The following BMPR1B variants were observed in gnomAD, a reference collection of about 807,000 sequenced individuals.
BMPR1B encodes bone morphogenetic protein receptor type-1B.
Under a neutral mutation model 59.1 loss-of-function variants are expected in BMPR1B, and 12 were observed. The observed-to-expected ratio is 0.20, with a 90% confidence interval of 0.13 to 0.33. BMPR1B has a LOEUF of 0.33. BMPR1B is among the 10% of genes least tolerant of loss of function. The probability of loss-of-function intolerance (pLI) is 1.00; values close to 1 mark genes in which losing one functional copy is unlikely to be tolerated. For synonymous variants in BMPR1B, 237 were observed against 207.3 expected, an observed-to-expected ratio of 1.14 and a Z score of -1.23; for missense variants, 550 against 610.9, an observed-to-expected ratio of 0.90 and a Z score of 1.05.
chr4:94,975,450 C>T (rs1730994982), intron 2 of BMPR1B, among the ~76,000 whole-genome samples: 1 of 149,826 alleles, frequency 6.7e-6, no homozygotes, highest in East Asian at 2.0e-4. Context: ...TGCAGCCTCC[C>T]TTCCTGGGCT....
At chr4:94,980,128 A>G (rs1731179588) in intron 2 of BMPR1B, among the ~76,000 whole-genome samples, 2 of 152,234 alleles carry the variant, frequency 1.3e-5, no homozygotes, top group South Asian at 4.1e-4. Context: ...ATAAGTCATC[A>G]CAGTTCACTG....
chr4:94,968,205 C>T (rs1730628965), intron 2 of BMPR1B, among the ~76,000 whole-genome samples: 1 of 152,094 alleles, frequency 6.6e-6, no homozygotes. Context: ...AAAAGGTAGC[C>T]AAAGACTAAA....
chr4:94,776,242 A>C (rs1303106373), intron 1 of BMPR1B, among the ~76,000 whole-genome samples: 1 of 152,136 alleles, frequency 6.6e-6, no homozygotes, highest in Non-Finnish European at 1.5e-5. Flanking sequence ...CACTCTAATA[A>C]TGTTTATATT....
In BMPR1B at chr4:94,941,923, A is replaced by G. The variant is rs1326010468; in HGVS notation, c.-112-54117A>G. ...GGTGTTCTGCCAGCTGTGCCCAAAC[A>G]TTTCAAATGATTTAGAATGTTTCCA... On this transcript the variant is annotated intron_variant, in intron 2 of 12. Transcript: ENST00000515059. Among the ~76,000 whole-genome samples, 9 of 152,320 alleles carry G rather than the reference A, an allele frequency of 5.9e-5. No individual in the cohort carries two copies. In the East Asian group the frequency reaches 1.7e-3, roughly 29 times the overall value.
chr4:94,911,063 C>A (rs1240214592), intron 2 of BMPR1B, among the ~76,000 whole-genome samples: 2 of 152,168 alleles, frequency 1.3e-5, no homozygotes, highest in East Asian at 3.9e-4. Flanking sequence ...ATATTTGATA[C>A]ATACTAATGT....
At chr4:94,881,272 T>C (rs1423138040) in intron 2 of BMPR1B, among the ~76,000 whole-genome samples, 2 of 152,152 alleles carry the variant, frequency 1.3e-5, no homozygotes, top group Non-Finnish European at 2.9e-5. Context: ...ACGTTACTAT[T>C]GTTGAAGGAT....
At chr4:94,831,955 C>T (rs7663201) in intron 1 of BMPR1B, among the ~76,000 whole-genome samples, 1 of 152,062 alleles carries the variant, frequency 6.6e-6, no homozygotes, top group African/African-American at 2.4e-5. Context: ...TCTCCCATCA[C>T]TCCCAGGTGG....
chr4:94,941,296 G>A (rs1283076618), intron 2 of BMPR1B, among the ~76,000 whole-genome samples: 1 of 152,066 alleles, frequency 6.6e-6, no homozygotes, highest in African/African-American at 2.4e-5. Flanking sequence ...GTGGGGCATG[G>A]TGGTGCACGC....
At position 95,154,972 on chromosome 4, in the gene BMPR1B, T is replaced by A. The variant is rs1359770475; in HGVS notation, c.*299T>A. ...GTATTTTGTGATTGCCTTTTTTTTT[T>A]TTTAAGATGCTTTCATTTTGCCAAA... On this transcript the variant is annotated 3_prime_UTR_variant, in exon 13 of 13. Coordinates refer to ENST00000515059, the MANE Select transcript of BMPR1B (RefSeq NM_001203.3). 14 of 350,454 alleles carry A rather than the reference T, an allele frequency of 4.0e-5. No individual in the cohort carries two copies. The highest frequency in any genetic ancestry group is 7.5e-5 in the Non-Finnish European group (14 of 185,950). The allele number at this position is 350,454 out of a possible 1,614,324, so 21.7% of individuals were successfully genotyped here. A position where few individuals can be genotyped will look rare whatever the true frequency, so the allele number is the denominator to read the frequency against.
At chr4:94,884,307 C>T (rs1209091747) in intron 2 of BMPR1B, among the ~76,000 whole-genome samples, 1 of 152,128 alleles carries the variant, frequency 6.6e-6, no homozygotes, top group Non-Finnish European at 1.5e-5. Context: ...GAGTGGATCA[C>T]TTGAGGTTAG....
intron 10 of BMPR1B, among the ~76,000 whole-genome samples, chr4:95,141,809 A>G (rs1022154144): frequency 6.6e-6 from 1 of 152,178 alleles, no homozygotes; most frequent in Admixed American, 6.5e-5. Context: ...AAATTAAAAT[A>G]AAAAACCTGC....
intron 1 of BMPR1B, among the ~76,000 whole-genome samples, chr4:94,805,261 A>G (rs1045064433): frequency 1.3e-5 from 2 of 152,166 alleles, no homozygotes; most frequent in African/African-American, 4.8e-5. Context: ...TTATTGGTAA[A>G]CTGAACAGTA....
At chr4:95,091,564 T>G (rs1729989565) in intron 3 of BMPR1B, 1 of 985,246 alleles carries the variant, frequency 1.0e-6, no homozygotes, top group Non-Finnish European at 1.2e-6. Flanking sequence ...ATTCTGTGCC[T>G]CCTCCTCATG....
Position 94,980,991 on chromosome 4 carries a change from TCA to T in BMPR1B, c.-112-15018_-112-15017del, listed in dbSNP as rs71583675. 0.013 allele frequency among the ~76,000 whole-genome samples: 276 copies of T among 21,748 alleles called. 6 individuals carry two copies. In the East Asian group the frequency reaches 0.16, roughly 12 times the overall value. The allele number at this position is 21,748 out of a possible 152,430, so 14.3% of individuals were successfully genotyped here. ...GCCTAGGTGGCAGAGCAAGACTCCA[TCA>T]CACACACACACACACACACACACAC... On this transcript the variant is annotated intron_variant, in intron 2 of 12. Coordinates refer to ENST00000515059, the MANE Select transcript of BMPR1B (RefSeq NM_001203.3).
rs114847714 is a variant in BMPR1B, at chr4:94,807,453, G to A, written c.-183+49385G>A. Among the ~76,000 whole-genome samples the A allele has an allele frequency of 5.5e-3, 831 of 152,192 alleles. 5 individuals are homozygous for A. Among genetic ancestry groups the A allele is most frequent in the African/African-American group, 0.019 (781 of 41,536 alleles). On this transcript the variant is annotated intron_variant, in intron 1 of 12. Transcript: ENST00000515059. ...GGGGGAGAGGTGTGTGAGAAAGATG[G>A]TGAATGTACTTTTTGTTGTAAATCA...
chr4:94,864,144 G>GA (rs1163158664), intron 1 of BMPR1B, among the ~76,000 whole-genome samples: 3 of 152,156 alleles, frequency 2.0e-5, no homozygotes, highest in African/African-American at 7.2e-5. Flanking sequence ...TTTTGAGTGG[G>GA]AAAAATCAAG....
intron 1 of BMPR1B, among the ~76,000 whole-genome samples, chr4:94,842,349 A>ATG (rs1491182113): frequency 5.3e-5 from 8 of 151,386 alleles, no homozygotes; most frequent in Non-Finnish European, 1.2e-4. Context: ...AAACTAACAC[A>ATG]TATGTGATGT....
At chr4:94,910,361 C>T (rs1728226636) in intron 2 of BMPR1B, among the ~76,000 whole-genome samples, 3 of 152,062 alleles carry the variant, frequency 2.0e-5, no homozygotes, top group South Asian at 4.2e-4. Flanking sequence ...GGAAAAAATA[C>T]ACCATGTCTC....
chr4:94,820,755 C>T (rs1724178671), intron 1 of BMPR1B, among the ~76,000 whole-genome samples: 1 of 152,176 alleles, frequency 6.6e-6, no homozygotes, highest in Admixed American at 6.5e-5. Context: ...CATGTAGACA[C>T]TTTATACTAA....
Sources: allele counts gnomAD v4.1 joint callset (sites outside exome capture counted in the v4.1 genomes callset), GRCh38; gene constraint gnomAD v4.1.1; transcripts MANE v1.5; gene names NCBI Gene and HGNC (gene_info 2026-07-23, HGNC 2026-07-21).